Variants in CMIP observed in about 807,000 individuals in gnomAD.
The protein encoded by CMIP is c-Maf inducing protein.
In CMIP, 13 loss-of-function variants were observed where a neutral mutation model predicts 97.3. The observed-to-expected ratio is 0.13, with a 90% confidence interval of 0.09 to 0.21. The LOEUF (loss-of-function observed/expected upper bound fraction) is 0.21. Among genes scored for constraint, CMIP ranks in the 10% least tolerant of loss-of-function variants. The probability of loss-of-function intolerance (pLI) is 1.00; values close to 1 mark genes in which losing one functional copy is unlikely to be tolerated. For missense variants in CMIP, 847 were observed against 1,024.9 expected (o/e 0.83, Z 2.37); for synonymous variants, 538 against 436.3 (o/e 1.23, Z -2.91).
rs568415978 is a variant in CMIP at position 81,680,578 on chromosome 16, G to A, written c.1388+1950G>A. ...GCCCCGCCTCGTGGTCCCAGCAGCA[G>A]AGGTCAGGTGAGGGCATAACCACAT... On this transcript the variant is annotated intron_variant, in intron 10 of 20. Transcript: ENST00000537098. Among the ~76,000 whole-genome samples the A allele has an allele frequency of 3.9e-5, 6 of 152,332 alleles. No individual in the cohort carries two copies. The East Asian group carries it at 1.2e-3, about 29-fold the overall frequency.
intron 1 of CMIP, among the ~76,000 whole-genome samples, chr16:81,598,931 T>C (rs1398634933): frequency 7.4e-6 from 1 of 134,746 alleles, no homozygotes; most frequent in Non-Finnish European, 1.5e-5. Flanking sequence ...ATCATGCCAG[T>C]GTACTCCAGC....
chr16:81,660,849 C>G (rs769139793), intron 5 of CMIP, 35 bp from the exon 6 acceptor site: 2 of 1,612,562 alleles, frequency 1.2e-6, no homozygotes, highest in Admixed American at 1.7e-5. Flanking sequence ...GGCTATCTAC[C>G]CCACGGTTCC....
chr16:81,457,917 T>TC (rs1324614358), intron 1 of CMIP, among the ~76,000 whole-genome samples: 2 of 151,792 alleles, frequency 1.3e-5, no homozygotes, highest in Non-Finnish European at 2.9e-5. Context: ...GTTGGCAAGC[T>TC]CCCCCCTACC....
At chr16:81,452,282 G>C (rs1364874446) in intron 1 of CMIP, among the ~76,000 whole-genome samples, 1 of 152,154 alleles carries the variant, frequency 6.6e-6, no homozygotes, top group Non-Finnish European at 1.5e-5. Context: ...ACCTTGGGCA[G>C]GTCCCCTAGC....
At chr16:81,500,522 C>T (rs1207674423) in intron 1 of CMIP, among the ~76,000 whole-genome samples, 4 of 141,314 alleles carry the variant, frequency 2.8e-5, no homozygotes, top group South Asian at 4.9e-4. Context: ...TGGAGTCTCA[C>T]TCTGTCGCCA....
At chr16:81,686,067 G>A (rs1474714369) in intron 10 of CMIP, among the ~76,000 whole-genome samples, 1 of 152,212 alleles carries the variant, frequency 6.6e-6, no homozygotes, top group Non-Finnish European at 1.5e-5. Flanking sequence ...ATAAAATGGG[G>A]GTGCCAAGAG....
intron 1 of CMIP, among the ~76,000 whole-genome samples, chr16:81,588,192 G>T (rs2150914758): frequency 6.6e-6 from 1 of 152,290 alleles, no homozygotes; most frequent in Non-Finnish European, 1.5e-5. Flanking sequence ...AGCTTTGTTT[G>T]GCCGTCTCGG....
chr16:81,587,288 C>T (rs533368064), intron 1 of CMIP, among the ~76,000 whole-genome samples: 58 of 152,276 alleles, frequency 3.8e-4, no homozygotes, highest in Admixed American at 1.8e-3. Context: ...GCTGTACCAG[C>T]GATTAAACAT....
intron 1 of CMIP, among the ~76,000 whole-genome samples, chr16:81,479,709 T>C (rs955022318): frequency 2.0e-5 from 3 of 152,204 alleles, no homozygotes; most frequent in African/African-American, 7.2e-5. Flanking sequence ...TTCAGTGATA[T>C]TTAGCCACTA....
At chr16:81,629,496 C>G (rs1019659364) in intron 3 of CMIP, among the ~76,000 whole-genome samples, 2 of 152,228 alleles carry the variant, frequency 1.3e-5, no homozygotes, top group African/African-American at 2.4e-5. Flanking sequence ...AGACGTTGCC[C>G]TTGAACCCCA....
At chr16:81,560,952 G>A (rs1016001652) in intron 1 of CMIP, among the ~76,000 whole-genome samples, 12 of 152,106 alleles carry the variant, frequency 7.9e-5, no homozygotes, top group Non-Finnish European at 5.9e-5. Flanking sequence ...CCATTGTTAA[G>A]AGATGCATGA....
chr16:81,447,716 C>T (rs571680405), intron 1 of CMIP, among the ~76,000 whole-genome samples: 6 of 152,370 alleles, frequency 3.9e-5, no homozygotes, highest in South Asian at 4.1e-4. Flanking sequence ...CGCTGCCTTT[C>T]GTCACCAAGC....
intron 1 of CMIP, among the ~76,000 whole-genome samples, chr16:81,543,329 G>A (rs2090483641): frequency 1.3e-5 from 2 of 152,194 alleles, no homozygotes; most frequent in African/African-American, 4.8e-5. Context: ...CAGCCGGAGA[G>A]CGCTCTTTGT....
At chr16:81,620,260 G>A (rs540729235) in intron 2 of CMIP, 1 of 152,620 alleles carries the variant, frequency 6.6e-6, no homozygotes, top group Non-Finnish European at 1.5e-5. Flanking sequence ...TAGGTCTGCT[G>A]GGTGCCGTTT....
intron 1 of CMIP, among the ~76,000 whole-genome samples, chr16:81,563,487 A>C (rs2090923718): frequency 6.6e-6 from 1 of 152,094 alleles, no homozygotes. Context: ...CTCACCTGGG[A>C]GTTTGTTAGA....
chr16:81,545,466 A>C (rs535853446), intron 1 of CMIP, among the ~76,000 whole-genome samples: 1 of 152,248 alleles, frequency 6.6e-6, no homozygotes, highest in South Asian at 2.1e-4. Context: ...ATCAGTAATA[A>C]CGTTTACTGA....
chr16:81,525,990 G>GTGTC (rs1167252862), intron 1 of CMIP, among the ~76,000 whole-genome samples: 58 of 33,466 alleles, frequency 1.7e-3, no homozygotes, highest in East Asian at 0.017. Context: ...GTGTGTGTGT[G>GTGTC]TGTGTGTGTG....
At chr16:81,507,347 G>A (rs373725639) in intron 1 of CMIP, among the ~76,000 whole-genome samples, 3 of 152,282 alleles carry the variant, frequency 2.0e-5, no homozygotes, top group South Asian at 2.1e-4. Flanking sequence ...CTAAAACTAC[G>A]TTTCTCAAAC....
At chr16:81,586,167 C>A (rs1438921222) in intron 1 of CMIP, among the ~76,000 whole-genome samples, 2 of 152,056 alleles carry the variant, frequency 1.3e-5, no homozygotes, top group Non-Finnish European at 2.9e-5. Flanking sequence ...ACAGCCCCGC[C>A]CCACACCTAC....
Sources: gnomAD v4.1 joint callset for allele counts (sites outside exome capture counted in the v4.1 genomes callset) on GRCh38, gnomAD v4.1.1 for gene constraint, MANE v1.5 for transcripts, NCBI Gene and HGNC (gene_info 2026-07-23, HGNC 2026-07-21) for gene names.